LMF1: variants seen among roughly 807,000 people sequenced by gnomAD.
LMF1 encodes lipase maturation factor 1.
In LMF1, 68 loss-of-function variants were observed where a neutral mutation model predicts 60.6. The ratio of observed to expected loss-of-function variants is 1.12; its 90% CI spans 0.92 to 1.37. LMF1 has a LOEUF of 1.37. Ranked by LOEUF, LMF1 falls within the 40% of genes most tolerant of loss-of-function variation. The probability of loss-of-function intolerance (pLI) is 0.00; values close to 1 mark genes in which losing one functional copy is unlikely to be tolerated. For synonymous variants in LMF1, 418 were observed against 324.7 expected, an observed-to-expected ratio of 1.29 and a Z score of -3.09; for missense variants, 948 against 767.2, an observed-to-expected ratio of 1.24 and a Z score of -2.78.
At chr16:917,350 C>T (rs1233835499) in intron 3 of LMF1, among the ~76,000 whole-genome samples, 4 of 98,974 alleles carry the variant, frequency 4.0e-5, no homozygotes, top group Non-Finnish European at 5.9e-5. Context: ...TGCGGGTGGG[C>T]GCAGGCCCAC....
At position 855,114 on chromosome 16, in the gene LMF1, G is replaced by A. The variant is rs7200328; in HGVS notation, c.1530-408C>T. On this transcript the variant is annotated intron_variant, in intron 10 of 10. Transcript: ENST00000262301. ...GTGGGGAGAGGAACCTACTGCTCAT[G>A]GTGTGGCGTCTCCACCATCAGGCCA... 3.3e-3 allele frequency: 990 copies of A among 303,868 alleles called. 13 individuals are homozygous for A. Among genetic ancestry groups the A allele is most frequent in the African/African-American group, 0.02 (931 of 46,486 alleles). 18.8% of individuals were successfully genotyped at this position (303,868 alleles called of 1,614,324 possible).
At chr16:942,289 T>A (rs74490615) in intron 2 of LMF1, among the ~76,000 whole-genome samples, 1,615 of 152,364 alleles carry the variant, frequency 0.011, 64 homozygotes, top group Admixed American at 0.087. Flanking sequence ...TCTTTATTCT[T>A]TGAGTGTAAC....
At chr16:880,201 G>A (rs548088627) in intron 5 of LMF1, among the ~76,000 whole-genome samples, 1 of 152,282 alleles carries the variant, frequency 6.6e-6, no homozygotes, top group East Asian at 1.9e-4. Flanking sequence ...CGTGCCGGTT[G>A]GGGACCAGCA....
chr16:916,041 C>T (rs570310081), intron 3 of LMF1, among the ~76,000 whole-genome samples: 151 of 152,208 alleles, frequency 9.9e-4, no homozygotes, highest in African/African-American at 3.2e-3. Context: ...GGGTAGCCTC[C>T]GGCAAAGGGA....
chr16:866,549 G>C (rs938913876), intron 10 of LMF1, among the ~76,000 whole-genome samples: 1 of 152,196 alleles, frequency 6.6e-6, no homozygotes, highest in Non-Finnish European at 1.5e-5. Flanking sequence ...TACCACAGAA[G>C]CGGGGGATCC....
intron 2 of LMF1, among the ~76,000 whole-genome samples, chr16:953,167 G>A (rs866328259): frequency 4.4e-5 from 3 of 68,890 alleles, no homozygotes; most frequent in African/African-American, 6.4e-5. Context: ...CCTCCTGCAC[G>A]TCCACACAGA....
intron 1 of LMF1, among the ~76,000 whole-genome samples, chr16:978,570 G>A (rs539167536): frequency 4.6e-5 from 7 of 152,242 alleles, no homozygotes; most frequent in African/African-American, 1.7e-4. Flanking sequence ...AGCTCTCCAC[G>A]CCCGGCACTC....
chr16:860,671 G>A (rs2069436238), intron 10 of LMF1, among the ~76,000 whole-genome samples: 1 of 152,142 alleles, frequency 6.6e-6, no homozygotes, highest in Admixed American at 6.5e-5. Flanking sequence ...GCTTTACGTT[G>A]AAGTCCAGGA....
chr16:860,345 T>G (rs968372462), intron 10 of LMF1, among the ~76,000 whole-genome samples: 29 of 140,460 alleles, frequency 2.1e-4, no homozygotes, highest in Non-Finnish European at 3.2e-4. Flanking sequence ...TTCCTGAAAG[T>G]TTTTTTTTTT....
chr16:963,112 C>G (rs918487901), intron 1 of LMF1, among the ~76,000 whole-genome samples: 13 of 152,000 alleles, frequency 8.6e-5, no homozygotes, highest in African/African-American at 3.1e-4. Flanking sequence ...AGACTGGACA[C>G]AAGGCTGGAC....
intron 6 of LMF1, among the ~76,000 whole-genome samples, chr16:877,346 C>T (rs1308416641): frequency 1.3e-5 from 2 of 152,164 alleles, no homozygotes; most frequent in East Asian, 1.9e-4. Flanking sequence ...GGAAACTCTG[C>T]GTGTCCTACG....
intron 9 of LMF1, 85 bp downstream of exon 9, chr16:869,798 T>G: frequency 1.4e-6 from 2 of 1,390,042 alleles, no homozygotes; most frequent in Non-Finnish European, 9.8e-7. Context: ...GCCCCTTCAG[T>G]GGGCGTTCTA....
chr16:863,367 C>A (rs2069524274), intron 10 of LMF1, among the ~76,000 whole-genome samples: 1 of 152,172 alleles, frequency 6.6e-6, no homozygotes, highest in Non-Finnish European at 1.5e-5. Flanking sequence ...GTCTTGAATT[C>A]CTGAGTTCAG....
At chr16:978,768 T>A (rs2073250270) in intron 1 of LMF1, among the ~76,000 whole-genome samples, 1 of 151,886 alleles carries the variant, frequency 6.6e-6, no homozygotes, top group Admixed American at 6.6e-5. Context: ...GGAGGGTGTG[T>A]GTGCAGCTCC....
rs548492403 is a variant in LMF1 at position 878,841 on chromosome 16, T to G, written c.897+729A>C. 4.7e-3 allele frequency among the ~76,000 whole-genome samples: 720 copies of G among 152,258 alleles called. 8 individuals are homozygous for G. The highest frequency in any genetic ancestry group is 0.016 in the African/African-American group (679 of 41,540). ...GGAACGCCACCTGGACCTGTGCATT[T>G]TCCTGGCTGTATGTTACACCTCCAT... On this transcript the variant is annotated intron_variant, in intron 6 of 10. Coordinates refer to ENST00000262301, the MANE Select transcript of LMF1 (RefSeq NM_022773.4). The surrounding 1 kb of genome is among the most constrained non-coding windows in gnomAD (Gnocchi z 5.2).
intron 10 of LMF1, among the ~76,000 whole-genome samples, chr16:864,323 T>C (rs192898605): frequency 3.3e-5 from 5 of 152,360 alleles, no homozygotes; most frequent in Admixed American, 3.3e-4. Flanking sequence ...CCCTAACTTA[T>C]GAGAGTTCCA....
intron 3 of LMF1, among the ~76,000 whole-genome samples, chr16:930,135 G>A (rs1323867915): frequency 2.1e-5 from 3 of 142,252 alleles, no homozygotes; most frequent in South Asian, 2.4e-4. Context: ...CAGTGGTGGC[G>A]TCCGTCTGAA....
At chr16:978,020 A>C (rs2073210986) in intron 1 of LMF1, among the ~76,000 whole-genome samples, 1 of 114,666 alleles carries the variant, frequency 8.7e-6, no homozygotes, top group African/African-American at 4.1e-5. Flanking sequence ...CACACACATC[A>C]TACACACGCA....
chr16:929,859 C>A (rs1483225854), intron 3 of LMF1, among the ~76,000 whole-genome samples: 1 of 152,226 alleles, frequency 6.6e-6, no homozygotes, highest in Non-Finnish European at 1.5e-5. Context: ...TGAACGGGGG[C>A]GCACGGCCCT....
Sources: allele counts gnomAD v4.1 joint callset (sites outside exome capture counted in the v4.1 genomes callset), GRCh38; gene constraint gnomAD v4.1.1; non-coding constraint Gnocchi (gnomAD v3.1); transcripts MANE v1.5; gene names NCBI Gene and HGNC (gene_info 2026-07-23, HGNC 2026-07-21).